GHR: variants seen among roughly 807,000 people sequenced by gnomAD.
GHR encodes the protein growth hormone receptor, also known as GH receptor.
In GHR, 35 loss-of-function variants were observed where a neutral mutation model predicts 67.1. The ratio of observed to expected loss-of-function variants is 0.52; its 90% CI spans 0.40 to 0.69. GHR has a LOEUF of 0.69. Ranked by LOEUF, GHR falls within the 30% of genes least tolerant of loss-of-function variation. GHR has a pLI of 0.00. For missense variants in GHR, 792 were observed against 764.6 expected, an observed-to-expected ratio of 1.04 and a Z score of -0.42; for synonymous variants, 272 against 269.1, an observed-to-expected ratio of 1.01 and a Z score of -0.10.
At chr5:42,441,562 T>C (rs1743573671) in intron 1 of GHR, among the ~76,000 whole-genome samples, 1 of 151,112 alleles carries the variant, frequency 6.6e-6, no homozygotes, top group East Asian at 1.9e-4. Context: ...CAGGCTGGAG[T>C]GCAGTGGCAC....
rs1451605426 is a variant in GHR at position 42,561,701 on chromosome 5, G to A, written c.-11-4163G>A. Among the ~76,000 whole-genome samples the A allele has an allele frequency of 5.3e-5, 8 of 152,288 alleles. No individual in the cohort carries two copies. In the East Asian group the frequency reaches 1.5e-3, roughly 29 times the overall value. On this transcript the variant is annotated intron_variant, in intron 1 of 9. Transcript: ENST00000230882. ...GCCTCAGGCTTTGAGGGTAGAAATG[G>A]TGTGAGTTCCATTATGCAAGAATAG... is the stretch of plus-strand genomic sequence containing the variant.
At position 42,547,125 on chromosome 5, in the gene GHR, T is replaced by C. The variant is rs559824028; in HGVS notation, c.-11-18739T>C. Among the ~76,000 whole-genome samples the C allele has an allele frequency of 4.6e-5, 7 of 152,352 alleles. No homozygotes were observed. In the South Asian group the frequency reaches 1.4e-3, roughly 32 times the overall value. On this transcript the variant is annotated intron_variant, in intron 1 of 9. Transcript: ENST00000230882. Reference sequence around the variant, plus strand: ...ATTCTCAAATCTAGTCATTGTCAACTAAACTATTAAAATGAATTTTCCCCT... The same window carrying C: ...ATTCTCAAATCTAGTCATTGTCAACCAAACTATTAAAATGAATTTTCCCCT...
At chr5:42,439,818 G>T (rs1561303982) in intron 1 of GHR, among the ~76,000 whole-genome samples, 1 of 152,206 alleles carries the variant, frequency 6.6e-6, no homozygotes, top group Non-Finnish European at 1.5e-5. Flanking sequence ...TATTCAGAAT[G>T]ACTGTAAAAT....
intron 3 of GHR, among the ~76,000 whole-genome samples, chr5:42,651,972 G>A (rs148648968): frequency 5.9e-5 from 9 of 152,220 alleles, no homozygotes; most frequent in African/African-American, 2.2e-4. Context: ...CATGCAAAAA[G>A]GGAAAGGTAT....
intron 1 of GHR, 70 bp from the exon 2 acceptor site, chr5:42,565,794 T>G: frequency 6.2e-7 from 1 of 1,612,788 alleles, no homozygotes; most frequent in Non-Finnish European, 8.5e-7. Context: ...ACCCAGTCTT[T>G]AAACAGTATT....
chr5:42,466,299 A>C (rs1394839823), intron 1 of GHR, among the ~76,000 whole-genome samples: 1 of 152,220 alleles, frequency 6.6e-6, no homozygotes, highest in East Asian at 1.9e-4. Context: ...TATAGACAGT[A>C]AGGAAAAAGG....
intron 1 of GHR, among the ~76,000 whole-genome samples, chr5:42,485,561 A>G (rs1329538045): frequency 1.3e-5 from 2 of 152,196 alleles, no homozygotes; most frequent in Non-Finnish European, 2.9e-5. Context: ...AGAGTTATGG[A>G]CTTCACTCTG....
In GHR at chr5:42,666,011, C is replaced by T. The variant is rs146046323; in HGVS notation, c.137-22879C>T. 1.4e-3 allele frequency among the ~76,000 whole-genome samples: 207 copies of T among 152,174 alleles called. 5 individuals are homozygous for T. In the East Asian group the frequency reaches 0.038, roughly 28 times the overall value. On this transcript the variant is annotated intron_variant, in intron 3 of 9. Coordinates refer to ENST00000230882, the MANE Select transcript of GHR (RefSeq NM_000163.5). ...CACCAGCTCCCTCTCATGACACATG[C>T]GGATTATGGGAGGTGCAATTCAAGA... is the stretch of plus-strand genomic sequence containing the variant.
intron 1 of GHR, among the ~76,000 whole-genome samples, chr5:42,560,711 C>T (rs1249044592): frequency 6.6e-6 from 1 of 152,124 alleles, no homozygotes; most frequent in African/African-American, 2.4e-5. Context: ...CCTTAAAACA[C>T]CAAGTATCCA....
rs769034803 is a variant in GHR at position 42,719,118 on chromosome 5, G to A, written c.1611G>A (p.Glu537=). ...TTATGGACAATGCCTACTTCTGTGA[G>A]GCAGATGCCAAAAAGTGCATCCCTG... is the stretch of plus-strand genomic sequence containing the variant. ...NFLMDNAYFC[E]ADAKKCIPVA... The change falls in exon 10 of 10, where the codon GAG becomes GAA. Residue 537 remains glutamate (E), a synonymous_variant. Transcript: ENST00000230882. 3 of 1,614,110 alleles carry A rather than the reference G, an allele frequency of 1.9e-6. No individual in the cohort carries two copies. In the South Asian group the frequency reaches 3.3e-5, roughly 18 times the overall value.
At chr5:42,481,144 T>G (rs1325127742) in intron 1 of GHR, among the ~76,000 whole-genome samples, 1 of 152,278 alleles carries the variant, frequency 6.6e-6, no homozygotes, top group Non-Finnish European at 1.5e-5. Context: ...CCTTCACTTA[T>G]GAAGCTTAGT....
At chr5:42,660,757 C>A (rs58083538) in intron 3 of GHR, among the ~76,000 whole-genome samples, 1 of 152,254 alleles carries the variant, frequency 6.6e-6, no homozygotes, top group African/African-American at 2.4e-5. Context: ...CAAAGCTGGA[C>A]GGAGAATGAC....
At chr5:42,608,500 C>A (rs1752735911) in intron 2 of GHR, among the ~76,000 whole-genome samples, 2 of 151,824 alleles carry the variant, frequency 1.3e-5, no homozygotes, top group African/African-American at 4.8e-5. Flanking sequence ...TAGATTATAT[C>A]ATTTGTCATA....
At chr5:42,582,577 C>T (rs1480151798) in intron 2 of GHR, among the ~76,000 whole-genome samples, 2 of 152,210 alleles carry the variant, frequency 1.3e-5, no homozygotes, top group East Asian at 3.8e-4. Flanking sequence ...GACAAGAACT[C>T]AGGACCCACT....
chr5:42,586,774 C>T (rs1445073385), intron 2 of GHR, among the ~76,000 whole-genome samples: 4 of 152,092 alleles, frequency 2.6e-5, no homozygotes, highest in African/African-American at 4.8e-5. Context: ...CTTGCCAGGC[C>T]GTGAATTACG....
At chr5:42,657,055 A>G (rs1164785810) in intron 3 of GHR, among the ~76,000 whole-genome samples, 1 of 152,098 alleles carries the variant, frequency 6.6e-6, no homozygotes, top group Non-Finnish European at 1.5e-5. Flanking sequence ...GCTCAGGATC[A>G]ACCTTCGTTC....
intron 1 of GHR, chr5:42,468,341 G>C: frequency 1.3e-6 from 2 of 1,545,236 alleles, no homozygotes; most frequent in Non-Finnish European, 1.8e-6. Context: ...GCTCAGCAGG[G>C]GAACGCCTAT....
At chr5:42,616,095 G>A (rs983665183) in intron 2 of GHR, among the ~76,000 whole-genome samples, 2 of 151,990 alleles carry the variant, frequency 1.3e-5, no homozygotes, top group African/African-American at 2.4e-5. Context: ...TGGTGGCCAT[G>A]ATAAGGAATT....
intron 1 of GHR, among the ~76,000 whole-genome samples, chr5:42,487,375 G>C (rs926747913): frequency 2.0e-5 from 3 of 152,062 alleles, no homozygotes; most frequent in Non-Finnish European, 2.9e-5. Flanking sequence ...TATTTTTAAC[G>C]TAAGCGTTGG....
Sources: allele counts gnomAD v4.1 joint callset (sites outside exome capture counted in the v4.1 genomes callset), GRCh38; gene constraint gnomAD v4.1.1; transcripts MANE v1.5; gene names NCBI Gene and HGNC (gene_info 2026-07-23, HGNC 2026-07-21).